Variants in ROBO2 observed in about 807,000 individuals in gnomAD.
ROBO2 encodes roundabout guidance receptor 2.
Under a neutral mutation model 160.8 loss-of-function variants are expected in ROBO2, and 53 were observed. The ratio of observed to expected loss-of-function variants is 0.33; its 90% confidence interval spans 0.26 to 0.41. The LOEUF (loss-of-function observed/expected upper bound fraction) is 0.41. Ranked by LOEUF, ROBO2 falls within the 10% of genes least tolerant of loss-of-function variation. The pLI is 1.00. For synonymous variants in ROBO2, 664 were observed against 611.7 expected, an observed-to-expected ratio of 1.09 and a Z score of -1.26; for missense variants, 1,577 against 1,722.4, an observed-to-expected ratio of 0.92 and a Z score of 1.49.
intron 2 of ROBO2, among the ~76,000 whole-genome samples, chr3:76,903,104 TATTG>T (rs1261246224): frequency 2.0e-5 from 3 of 152,068 alleles, no homozygotes; most frequent in Non-Finnish European, 4.4e-5. Context: ...ACAGTTTTCT[TATTG>T]ATTAATATAA....
chr3:76,888,197 G>A (rs113684739), intron 2 of ROBO2, among the ~76,000 whole-genome samples: 8,349 of 152,014 alleles, frequency 0.055, 288 homozygotes, highest in South Asian at 0.15. Context: ...GTGAAACCCC[G>A]TCTCCACTAA....
intron 2 of ROBO2, among the ~76,000 whole-genome samples, chr3:75,956,175 A>G (rs1213263507): frequency 2.0e-5 from 3 of 151,802 alleles, no homozygotes; most frequent in Non-Finnish European, 4.4e-5. Context: ...CAAAGTTTGC[A>G]TTTATTAAAA....
chr3:76,174,498 T>G (rs2073157309), intron 2 of ROBO2, among the ~76,000 whole-genome samples: 1 of 152,184 alleles, frequency 6.6e-6, no homozygotes, highest in Non-Finnish European at 1.5e-5. Flanking sequence ...TGGTTTTAGG[T>G]TTTATGTTTA....
At chr3:76,914,665 A>C (rs868018595) in intron 2 of ROBO2, among the ~76,000 whole-genome samples, 1 of 152,140 alleles carries the variant, frequency 6.6e-6, no homozygotes, top group Admixed American at 6.5e-5. Context: ...AATTTATACA[A>C]CATTGCAGTG....
At chr3:76,014,786 G>A (rs1185747590) in intron 2 of ROBO2, among the ~76,000 whole-genome samples, 1 of 152,134 alleles carries the variant, frequency 6.6e-6, no homozygotes, top group Non-Finnish European at 1.5e-5. Flanking sequence ...AAGTTGGCTG[G>A]GTGCAGTGGC....
chr3:76,795,542 A>T (rs2063633296), intron 2 of ROBO2, among the ~76,000 whole-genome samples: 1 of 152,152 alleles, frequency 6.6e-6, no homozygotes, highest in Admixed American at 6.6e-5. Flanking sequence ...ACAACTTCTC[A>T]TTCATTAAAA....
chr3:77,089,772 GA>G (rs1294719196), intron 1 of ROBO2, among the ~76,000 whole-genome samples: 2 of 150,940 alleles, frequency 1.3e-5, no homozygotes, highest in Non-Finnish European at 3.0e-5. Flanking sequence ...TGGACCTCTA[GA>G]AAAAAAAAGT....
intron 2 of ROBO2, among the ~76,000 whole-genome samples, chr3:76,799,774 G>A (rs537695003): frequency 6.6e-6 from 1 of 152,124 alleles, no homozygotes; most frequent in African/African-American, 2.4e-5. Flanking sequence ...AATAAATATT[G>A]TTAAAATGTT....
At chr3:77,596,481 T>C in intron 18 of ROBO2, 142 bp from the exon 20 acceptor site, 1 of 1,034,746 alleles carries the variant, frequency 9.7e-7, no homozygotes, top group Non-Finnish European at 1.5e-6. Context: ...TTGCTGGAGT[T>C]CTTTAATTCC....
chr3:76,141,230 T>C lies in ROBO2; in HGVS notation c.109+203628T>C, dbSNP rs2071657226. 2.3e-5 allele frequency among the ~76,000 whole-genome samples: 3 copies of C among 131,762 alleles called. No individual in the cohort carries two copies. In the Admixed American group the frequency reaches 2.4e-4, roughly 11 times the overall value. 86.4% of individuals were successfully genotyped at this position (131,762 alleles called of 152,430 possible). ...ATATATCAGACATTAAAAATGACAT[T>C]CTTTCTGGCTTTGCTGAACATGAAA... On this transcript the variant is annotated intron_variant, in intron 2 of 26. Transcript: ENST00000487694.
intron 2 of ROBO2, among the ~76,000 whole-genome samples, chr3:76,229,593 G>A (rs1259346162): frequency 6.6e-6 from 1 of 152,092 alleles, no homozygotes. Flanking sequence ...ACCATGATAT[G>A]CATATAATGA....
intron 1 of ROBO2, among the ~76,000 whole-genome samples, chr3:77,095,548 G>A (rs74601103): frequency 0.063 from 9,606 of 152,162 alleles, 992 homozygotes; most frequent in African/African-American, 0.22. Context: ...TAGGGAGAAT[G>A]TAGGTTACTG....
intron 9 of ROBO2, 58 bp from the exon 11 acceptor site, chr3:77,562,593 G>A (rs962152924): frequency 3.2e-5 from 39 of 1,223,478 alleles, no homozygotes; most frequent in Non-Finnish European, 4.7e-5. Flanking sequence ...CTGTCATTGA[G>A]TAATTATTCT....
chr3:77,345,087 G>A (rs1032755818), intron 2 of ROBO2, among the ~76,000 whole-genome samples: 10 of 151,914 alleles, frequency 6.6e-5, no homozygotes, highest in African/African-American at 9.7e-5. Flanking sequence ...AAAAAAAACC[G>A]TAAAAACTCT....
At chr3:77,107,765 A>G (rs1034834252) in intron 2 of ROBO2, among the ~76,000 whole-genome samples, 1 of 152,190 alleles carries the variant, frequency 6.6e-6, no homozygotes, top group Non-Finnish European at 1.5e-5. Context: ...TAATGCAACT[A>G]TAAAGGCAAG....
intron 2 of ROBO2, among the ~76,000 whole-genome samples, chr3:76,082,017 C>A (rs1369137181): frequency 6.6e-6 from 1 of 152,120 alleles, no homozygotes; most frequent in Non-Finnish European, 1.5e-5. Context: ...GAGCCCCCAA[C>A]CGTTAATCTC....
At chr3:77,212,215 T>C (rs190384980) in intron 2 of ROBO2, among the ~76,000 whole-genome samples, 3 of 152,212 alleles carry the variant, frequency 2.0e-5, no homozygotes, top group African/African-American at 7.2e-5. Flanking sequence ...GAGCATGGAA[T>C]GTTCTTCCAT....
chr3:77,594,499 G>T (rs775721), intron 17 of ROBO2, among the ~76,000 whole-genome samples: 86,603 of 151,944 alleles, frequency 0.57, 24,756 homozygotes, highest in Middle Eastern at 0.71. Flanking sequence ...TTACATGGAG[G>T]ATTCAACTTT....
chr3:77,347,375 T>G (rs976516065), intron 2 of ROBO2, among the ~76,000 whole-genome samples: 1 of 152,032 alleles, frequency 6.6e-6, no homozygotes, highest in Non-Finnish European at 1.5e-5. Context: ...CATCATAATT[T>G]GCGCTTCCAT....
Sources: allele counts gnomAD v4.1 joint callset (sites outside exome capture counted in the v4.1 genomes callset), GRCh38; gene constraint gnomAD v4.1.1; transcripts MANE v1.5; gene names NCBI Gene and HGNC (gene_info 2026-07-23, HGNC 2026-07-21).